The following DNMT1 variants were observed in gnomAD, a reference collection of about 807,000 sequenced individuals.
The protein encoded by DNMT1 is DNA methyltransferase 1, also known as DNA (cytosine-5)-methyltransferase 1.
Under a neutral mutation model 205.3 loss-of-function variants are expected in DNMT1, and 24 were observed. That is an observed-to-expected ratio of 0.12 (90% CI 0.08 to 0.16). The LOEUF is 0.16. Among genes scored for constraint, DNMT1 ranks in the 10% least tolerant of loss-of-function variants. The probability of loss-of-function intolerance (pLI) is 1.00; values close to 1 mark genes in which losing one functional copy is unlikely to be tolerated. For missense variants in DNMT1, 1,293 were observed against 2,177.7 expected (o/e 0.59, Z 8.09); for synonymous variants, 817 against 839.8 (o/e 0.97, Z 0.47).
intron 11 of DNMT1, among the ~76,000 whole-genome samples, chr19:10,163,795 C>A (rs1242794518): frequency 6.6e-6 from 1 of 152,190 alleles, no homozygotes; most frequent in African/African-American, 2.4e-5. Flanking sequence ...GTAAACCCAG[C>A]ACTTTGGGAA....
intron 27 of DNMT1, among the ~76,000 whole-genome samples, chr19:10,148,642 C>T (rs541031449): frequency 2.6e-5 from 4 of 152,244 alleles, no homozygotes; most frequent in East Asian, 1.9e-4. Flanking sequence ...AATGGCAAGA[C>T]GAACCCTGTT....
At chr19:10,182,330 C>T (rs2039064442) in intron 1 of DNMT1, among the ~76,000 whole-genome samples, 1 of 151,144 alleles carries the variant, frequency 6.6e-6, no homozygotes, top group African/African-American at 2.4e-5. Context: ...TGTGAGATTA[C>T]ATAGCAGCTC....
intron 28 of DNMT1, 46 bp from the exon 29 acceptor site, chr19:10,144,033 AG>A (rs753757018): frequency 3.6e-5 from 58 of 1,594,208 alleles, no homozygotes; most frequent in Admixed American, 3.3e-4. Flanking sequence ...TCCACCTTGC[AG>A]TGGTCAGTCA....
intron 14 of DNMT1, 27 bp downstream of exon 14, chr19:10,160,357 T>C: frequency 1.9e-6 from 3 of 1,614,022 alleles, no homozygotes; most frequent in Non-Finnish European, 2.5e-6. Flanking sequence ...CCATCTGCTT[T>C]CGATAATGTC....
chr19:10,180,166 G>T, intron 5 of DNMT1, 21 bp downstream of exon 5: 1 of 712,112 alleles, frequency 1.4e-6, no homozygotes, highest in Non-Finnish European at 2.4e-6. Flanking sequence ...ACAAAAATTA[G>T]CTGGGTGTGG....
In DNMT1 at chr19:10,140,974, G is replaced by C; in HGVS notation, c.3395-65C>G. On this transcript the variant is annotated intron_variant, in intron 31 of 40. Transcript: ENST00000359526. The surrounding 1 kb of genome is among the most constrained non-coding windows in gnomAD (Gnocchi z 8.4). ...GTCCAAGTCCACCTTGCTCTCAAGC[G>C]CCTTGTTAACTCAGGCGGCCTCGCT... is the stretch of plus-strand genomic sequence containing the variant. 2 of 1,613,604 alleles carry C rather than the reference G, an allele frequency of 1.2e-6. No homozygotes were observed. The highest frequency in any genetic ancestry group is 1.7e-6 in the Non-Finnish European group (2 of 1,180,000).
intron 1 of DNMT1, among the ~76,000 whole-genome samples, chr19:10,182,674 T>TAGAC (rs766990737): frequency 1.1e-4 from 16 of 151,446 alleles, no homozygotes; most frequent in Middle Eastern, 3.2e-3. Context: ...TACAGATAGA[T>TAGAC]AGACAGACAG....
In DNMT1 at chr19:10,156,775, G is replaced by A. The variant is rs746959375; in HGVS notation, c.1281-266C>T. On this transcript the variant is annotated intron_variant, in intron 17 of 40. Transcript: ENST00000359526. This position sits in a 1 kb window ranked among gnomAD's most constrained non-coding sequence, Gnocchi z 4.2. ...TGGGATTACAGGCCTGAACCACCAT[G>A]CCCGGCTAATTGTTGTATTTTTAGT... 6.6e-6 allele frequency among the ~76,000 whole-genome samples: 1 copy of A among 151,992 alleles called. No individual in the cohort carries two copies. The highest frequency in any genetic ancestry group is 2.4e-5 in the African/African-American group (1 of 41,380).
In DNMT1 at chr19:10,186,752, C is replaced by T. The variant is rs181841199; in HGVS notation, c.81-4675G>A. ...ACTCAGGAGGCTGAGGCAGGAGAAT[C>T]GCTTGAACCCGGGAGGTGGAGGCTG... On this transcript the variant is annotated intron_variant, in intron 1 of 40. Coordinates refer to ENST00000359526, the MANE Select transcript of DNMT1 (RefSeq NM_001130823.3). Among the ~76,000 whole-genome samples, 376 of 147,790 alleles carry T rather than the reference C, an allele frequency of 2.5e-3. 7 individuals carry two copies. The highest frequency in any genetic ancestry group is 0.024 in the Admixed American group (342 of 14,384).
chr19:10,146,661 C>A lies in DNMT1; in HGVS notation c.2721-137G>T. The A allele has an allele frequency of 9.2e-7, 1 of 1,090,708 alleles. No homozygotes were observed. Among genetic ancestry groups the A allele is most frequent in the Non-Finnish European group, 1.3e-6 (1 of 761,016 alleles). The allele number at this position is 1,090,708 out of a possible 1,614,324, so 67.6% of individuals were successfully genotyped here. A position where few individuals can be genotyped will look rare whatever the true frequency, so the allele number is the denominator to read the frequency against. The stretch of plus-strand genomic sequence containing the variant: ...TGCAGATGCTAGAAGGAAGAGGTGG[C>A]TTTCTTGTGCTTTGTGTTGACATTT... On this transcript the variant is annotated intron_variant, in intron 27 of 40. Coordinates refer to ENST00000359526, the MANE Select transcript of DNMT1 (RefSeq NM_001130823.3). This position sits in a 1 kb window ranked among gnomAD's most constrained non-coding sequence, Gnocchi z 4.4.
rs2038461863 is a variant in DNMT1, at chr19:10,156,582, G to A, written c.1281-73C>T. The A allele has an allele frequency of 4.6e-6, 5 of 1,075,402 alleles. No homozygotes were observed. In the African/African-American group the frequency reaches 6.2e-5, roughly 13 times the overall value. The allele number at this position is 1,075,402 out of a possible 1,614,324, so 66.6% of individuals were successfully genotyped here. A position where few individuals can be genotyped will look rare whatever the true frequency, so the allele number is the denominator to read the frequency against. On this transcript the variant is annotated intron_variant, in intron 17 of 40. Coordinates refer to ENST00000359526, the MANE Select transcript of DNMT1 (RefSeq NM_001130823.3). This position sits in a 1 kb window ranked among gnomAD's most constrained non-coding sequence, Gnocchi z 4.2. ...GGTCTTCGTGCAGACTTCAGATCAGGCACGAGGCAATGAGAGAATGTACAA... is the reference window on the plus strand; with the variant it reads ...GGTCTTCGTGCAGACTTCAGATCAGACACGAGGCAATGAGAGAATGTACAA...
In DNMT1 at chr19:10,137,138, T is replaced by C. The variant is rs2089500642; in HGVS notation, c.4436A>G (p.Lys1479Arg). 6.2e-7 allele frequency: 1 copy of C among 1,611,118 alleles called. No homozygotes were observed. The highest frequency in any genetic ancestry group is 8.5e-7 in the Non-Finnish European group (1 of 1,179,256). Residue 1479 changes from lysine to arginine, a missense_variant, in exon 37 of 41, where the codon AAG becomes AGG. Around this residue, in one of 13 missense-constraint regions of DNMT1, gnomAD observed 148 missense variants for 256.1 expected, o/e 0.58. Transcript: ENST00000359526. The surrounding 1 kb of genome is among the most constrained non-coding windows in gnomAD (Gnocchi z 6.4). ...GGCCCCAGAGCTGCTGCGGCCGTTC[T>C]TCCTGTCATGGTGGGTATACCGCAG... ...RKLRYTHHDR[K>R]NGRSSSGALR...
rs779112709 is a variant in DNMT1 at position 10,154,485 on chromosome 19, G to A, written c.1833-6C>T. 1.9e-6 allele frequency: 3 copies of A among 1,614,200 alleles called. No homozygotes were observed. Among genetic ancestry groups the A allele is most frequent in the South Asian group, 2.2e-5 (2 of 91,082 alleles). ...GCCGCCTCGCCTGGGCTCGCCTACG[G>A]GAGAGGTTCCAGCATCTCAGAGGAC... is the stretch of plus-strand genomic sequence containing the variant. On this transcript the variant is annotated splice_region_variant and splice_polypyrimidine_tract_variant and intron_variant, in intron 21 of 40. Coordinates refer to ENST00000359526, the MANE Select transcript of DNMT1 (RefSeq NM_001130823.3). This position sits in a 1 kb window ranked among gnomAD's most constrained non-coding sequence, Gnocchi z 6.3.
rs1368848498 is a variant in DNMT1, at chr19:10,146,829, C to T, written c.2721-305G>A. Among the ~76,000 whole-genome samples the T allele has an allele frequency of 6.6e-6, 1 of 152,172 alleles. No individual in the cohort carries two copies. Among genetic ancestry groups the T allele is most frequent in the South Asian group, 2.1e-4 (1 of 4,820 alleles). Reference sequence around the variant, plus strand: ...AAGAACACACCACGAGCAACAGTCCCGAGTGGCTCAGTGAGGAACTCAATC... The same window carrying T: ...AAGAACACACCACGAGCAACAGTCCTGAGTGGCTCAGTGAGGAACTCAATC... On this transcript the variant is annotated intron_variant, in intron 27 of 40. Coordinates refer to ENST00000359526, the MANE Select transcript of DNMT1 (RefSeq NM_001130823.3). The surrounding 1 kb of genome is among the most constrained non-coding windows in gnomAD (Gnocchi z 4.4).
rs923363804 is a variant in DNMT1 at position 10,154,858 on chromosome 19, A to G, written c.1644+47T>C. The G allele has an allele frequency of 6.2e-7, 1 of 1,614,070 alleles. No individual in the cohort carries two copies. The highest frequency in any genetic ancestry group is 1.3e-5 in the African/African-American group (1 of 74,914). On this transcript the variant is annotated intron_variant, in intron 20 of 40. Transcript: ENST00000359526. The surrounding 1 kb of genome is among the most constrained non-coding windows in gnomAD (Gnocchi z 6.3). ...AACAGTGTCTGCTGGTTCTGAAGGC[A>G]AGTTTCCAGTGGGAATCCCGGATGC...
At chr19:10,150,465 A>C (rs1374710317) in intron 24 of DNMT1, among the ~76,000 whole-genome samples, 4 of 152,176 alleles carry the variant, frequency 2.6e-5, no homozygotes, top group Non-Finnish European at 4.4e-5. Flanking sequence ...TCACCTCTGC[A>C]AGGCCTCGTG....
intron 37 of DNMT1, among the ~76,000 whole-genome samples, chr19:10,136,548 G>A (rs573669248): frequency 4.6e-5 from 7 of 151,452 alleles, no homozygotes; most frequent in African/African-American, 1.7e-4. Flanking sequence ...CGATTCTCCT[G>A]CCTCAGCCTC....
Position 10,142,017 on chromosome 19 carries a change from A to C in DNMT1, c.3309+11T>G. On this transcript the variant is annotated intron_variant, in intron 30 of 40. Transcript: ENST00000359526. ...CCCCGAAGCCTTCCCTCTAGCAAGC[A>C]GGGGCACCACCTCGAGGAAGTAGAA... 5.0e-6 allele frequency: 8 copies of C among 1,612,126 alleles called. No homozygotes were observed. Among genetic ancestry groups the C allele is most frequent in the Non-Finnish European group, 6.8e-6 (8 of 1,178,764 alleles).
At chr19:10,149,774 G>A in intron 25 of DNMT1, 79 bp downstream of exon 25, 1 of 1,602,888 alleles carries the variant, frequency 6.2e-7, no homozygotes. Flanking sequence ...AAAGCTGCTG[G>A]TGCTATTTTG....
Sources: allele counts gnomAD v4.1 joint callset (sites outside exome capture counted in the v4.1 genomes callset), GRCh38; gene constraint gnomAD v4.1.1; regional missense constraint gnomAD v4.1.1; non-coding constraint Gnocchi (gnomAD v3.1); transcripts MANE v1.5; gene names NCBI Gene and HGNC (gene_info 2026-07-23, HGNC 2026-07-21).